The following LMTK2 variants were observed in gnomAD, a reference collection of about 807,000 sequenced individuals.
The protein encoded by LMTK2 is lemur tail kinase 2, also known as serine/threonine-protein kinase LMTK2.
LMTK2 carries 37 observed loss-of-function variants against 127.5 expected under a neutral mutation model. That is an observed-to-expected ratio of 0.29 (90% CI 0.22 to 0.38). The LOEUF (loss-of-function observed/expected upper bound fraction) is 0.38. Ranked by LOEUF, LMTK2 falls within the 10% of genes least tolerant of loss-of-function variation. The pLI is 1.00. For missense variants in LMTK2, 1,694 were observed against 1,920.3 expected (o/e 0.88, Z 2.20); for synonymous variants, 819 against 810.1 (o/e 1.01, Z -0.19).
At chr7:98,162,830 GT>G (rs1478126041) in intron 6 of LMTK2, among the ~76,000 whole-genome samples, 2 of 152,242 alleles carry the variant, frequency 1.3e-5, no homozygotes, top group Non-Finnish European at 2.9e-5. Context: ...GTTATTCACA[GT>G]AATGGGTTAT....
At position 98,163,889 on chromosome 7, in the gene LMTK2, G is replaced by A. The variant is rs115933290; in HGVS notation, c.657+4464G>A. ...GGTCTGGGCTCTGTAAAAAGCTGCTGTGGCCACGGTGAAGGACCGGCTATC... is the reference window on the plus strand; with the variant it reads ...GGTCTGGGCTCTGTAAAAAGCTGCTATGGCCACGGTGAAGGACCGGCTATC... On this transcript the variant is annotated intron_variant, in intron 6 of 13. Coordinates refer to ENST00000297293, the MANE Select transcript of LMTK2 (RefSeq NM_014916.4). Among the ~76,000 whole-genome samples, 1,145 of 152,352 alleles carry A rather than the reference G, an allele frequency of 7.5e-3. 16 individuals are homozygous for A. The highest frequency in any genetic ancestry group is 0.025 in the African/African-American group (1,060 of 41,582).
intron 1 of LMTK2, among the ~76,000 whole-genome samples, chr7:98,135,473 A>T (rs1001416863): frequency 6.6e-6 from 1 of 151,808 alleles, no homozygotes; most frequent in East Asian, 1.9e-4. Flanking sequence ...CACCACGCCC[A>T]GCTAACTTTT....
chr7:98,204,014 C>A lies in LMTK2; in HGVS notation c.4311C>A (p.Leu1437=), dbSNP rs958146615. 1.2e-6 allele frequency: 2 copies of A among 1,614,224 alleles called. No homozygotes were observed. Among genetic ancestry groups the A allele is most frequent in the Admixed American group, 3.3e-5 (2 of 60,028 alleles). Residue 1437 remains leucine, a synonymous_variant, in exon 13 of 14, where the codon CTC becomes CTA. Coordinates refer to ENST00000297293, the MANE Select transcript of LMTK2 (RefSeq NM_014916.4). ...PFMSKTTSNL[L]SSKPSLQTSK... is the part of the protein sequence containing the mutation. Reference sequence around the variant, plus strand: ...TGTCAAAGACAACAAGTAACCTGCTCAGCTCCAAGCCTTCTCTCCAAACAT... The same window carrying A: ...TGTCAAAGACAACAAGTAACCTGCTAAGCTCCAAGCCTTCTCTCCAAACAT...
At chr7:98,110,533 CA>C (rs1562892861) in intron 1 of LMTK2, among the ~76,000 whole-genome samples, 1 of 152,160 alleles carries the variant, frequency 6.6e-6, no homozygotes, top group Admixed American at 6.5e-5. Context: ...GTTAAATTGC[CA>C]AACTAAGATT....
intron 1 of LMTK2, among the ~76,000 whole-genome samples, chr7:98,127,175 T>TA (rs753296067): frequency 4.6e-5 from 7 of 152,204 alleles, no homozygotes; most frequent in Non-Finnish European, 8.8e-5. Flanking sequence ...TTTGAGGCGT[T>TA]AAATAAAAAT....
At chr7:98,204,574 C>T (rs1797760665) in intron 13 of LMTK2, among the ~76,000 whole-genome samples, 1 of 152,242 alleles carries the variant, frequency 6.6e-6, no homozygotes, top group Non-Finnish European at 1.5e-5. Context: ...CTACAGTGAC[C>T]TATGATTGTG....
rs146153527 is a variant in LMTK2, at chr7:98,194,370, A to T, written c.3905A>T (p.Asn1302Ile). The T allele has an allele frequency of 6.2e-7, 1 of 1,614,150 alleles. No individual in the cohort carries two copies. Among genetic ancestry groups the T allele is most frequent in the Admixed American group, 1.7e-5 (1 of 60,020 alleles). The change falls in exon 11 of 14, where the codon AAC (asparagine) becomes ATC (isoleucine). Residue 1302 changes from asparagine to isoleucine, a missense_variant. This residue lies in a region of LMTK2 where 554 missense variants were observed against 567.7 expected (regional missense o/e 0.98). Coordinates refer to ENST00000297293, the MANE Select transcript of LMTK2 (RefSeq NM_014916.4). The surrounding 1 kb of genome is among the most constrained non-coding windows in gnomAD (Gnocchi z 5.4). ...DDSDEDLRAF[N>I]LHSLSSESED... ...TCGGACGAGGACCTGCGGGCCTTCA[A>T]CCTGCATAGCCTCAGCTCCGAGTCG...
At chr7:98,203,448 G>A (rs1427206390) in intron 11 of LMTK2, 126 bp from the exon 12 acceptor site, 35 of 1,279,834 alleles carry the variant, frequency 2.7e-5, no homozygotes, top group African/African-American at 7.6e-5. Context: ...GCCTGGAGCC[G>A]CCCTTGTCTT....
Position 98,155,623 on chromosome 7 carries a change from A to G in LMTK2, c.569+747A>G, listed in dbSNP as rs181137019. Among the ~76,000 whole-genome samples, 496 of 152,336 alleles carry G rather than the reference A, an allele frequency of 3.3e-3. 2 individuals carry two copies. The highest frequency in any genetic ancestry group is 5.7e-3 in the Non-Finnish European group (386 of 68,030). The stretch of plus-strand genomic sequence containing the variant: ...TCTCATCAGAAACCTGGAGGCCAGA[A>G]GGAATCAGCACGTTTGTCACTTTTC... On this transcript the variant is annotated intron_variant, in intron 5 of 13. Coordinates refer to ENST00000297293, the MANE Select transcript of LMTK2 (RefSeq NM_014916.4).
intron 2 of LMTK2, among the ~76,000 whole-genome samples, chr7:98,140,989 C>CCAGGCTGCAGTGAGCCATGAT (rs1459597015): frequency 6.6e-6 from 1 of 151,324 alleles, no homozygotes; most frequent in Non-Finnish European, 1.5e-5. Flanking sequence ...TCCTGGAGGT[C>CCAGGCTGCAGTGAGCCATGAT]CAGGCTGCAG....
rs188946305 is a variant in LMTK2 at position 98,138,444 on chromosome 7, C to G, written c.231+1002C>G. On this transcript the variant is annotated intron_variant, in intron 2 of 13. Transcript: ENST00000297293. ...GCTGTTTTCTTGGGTCAGCACTGGC[C>G]GTATACACACAGAGGGCTGAGAACA... 6.7e-4 allele frequency among the ~76,000 whole-genome samples: 102 copies of G among 152,168 alleles called. 2 individuals are homozygous for G. The South Asian group carries it at 0.015, about 23-fold the overall frequency.
chr7:98,117,401 G>GT (rs1796302442), intron 1 of LMTK2, among the ~76,000 whole-genome samples: 1 of 152,158 alleles, frequency 6.6e-6, no homozygotes, highest in African/African-American at 2.4e-5. Context: ...ACTTATGTCA[G>GT]TGTGGATGCA....
intron 7 of LMTK2, among the ~76,000 whole-genome samples, chr7:98,176,013 G>A (rs1797271434): frequency 6.6e-6 from 1 of 152,158 alleles, no homozygotes; most frequent in South Asian, 2.1e-4. Flanking sequence ...ATGACATAAA[G>A]AAATTATTGA....
intron 1 of LMTK2, among the ~76,000 whole-genome samples, chr7:98,113,445 C>G (rs1796233246): frequency 6.6e-6 from 1 of 152,054 alleles, no homozygotes; most frequent in African/African-American, 2.4e-5. Flanking sequence ...TGGACTAATA[C>G]AGCTGGCGTC....
chr7:98,203,926 T>C lies in LMTK2; in HGVS notation c.4241-18T>C. The stretch of plus-strand genomic sequence containing the variant: ...CACGCAGTGATAAAAAGGGTGGGGT[T>C]TTATTTTTTATTTCTAGGTGGTGGC... On this transcript the variant is annotated intron_variant, in intron 12 of 13. Transcript: ENST00000297293. 6.2e-7 allele frequency: 1 copy of C among 1,612,120 alleles called. No individual in the cohort carries two copies. Among genetic ancestry groups the C allele is most frequent in the Non-Finnish European group, 8.5e-7 (1 of 1,179,540 alleles).
chr7:98,157,640 TAAA>T (rs34715220), intron 5 of LMTK2, among the ~76,000 whole-genome samples: 21 of 114,330 alleles, frequency 1.8e-4, no homozygotes, highest in Admixed American at 2.7e-4. Context: ...GCTCCCACAT[TAAA>T]AAAAAAAAAA....
At chr7:98,107,696 C>T (rs906854405) in intron 1 of LMTK2, among the ~76,000 whole-genome samples, 4 of 152,162 alleles carry the variant, frequency 2.6e-5, no homozygotes, top group Middle Eastern at 3.2e-3. Flanking sequence ...AATGACTTGG[C>T]GAGCTGTGCG....
At position 98,193,640 on chromosome 7, in the gene LMTK2, A is replaced by G; in HGVS notation, c.3175A>G (p.Thr1059Ala). ...EGTADSEPAT[T>A]GDGGHSGLPP... The stretch of plus-strand genomic sequence containing the variant: ...CACCGCAGACTCAGAACCAGCCACC[A>G]CGGGCGATGGCGGCCACAGCGGTCT... Residue 1059 changes from threonine (T) to alanine (A), a missense_variant, in exon 11 of 14, where the codon ACG becomes GCG. By Grantham distance (58) the Thr-to-Ala change is moderately conservative. Around this residue, in one of 8 missense-constraint regions of LMTK2, gnomAD observed 65 missense variants for 116.5 expected, o/e 0.56. Transcript: ENST00000297293. The surrounding 1 kb of genome is among the most constrained non-coding windows in gnomAD (Gnocchi z 4.1). The G allele has an allele frequency of 1.9e-6, 3 of 1,613,828 alleles. No individual in the cohort carries two copies. Among genetic ancestry groups the G allele is most frequent in the Non-Finnish European group, 2.5e-6 (3 of 1,180,006 alleles).
chr7:98,205,333 G>A lies in LMTK2; in HGVS notation c.4484-131G>A, dbSNP rs1022673176. The A allele has an allele frequency of 5.0e-5, 52 of 1,034,120 alleles. No homozygotes were observed. In the African/African-American group the frequency reaches 7.1e-4, roughly 14 times the overall value. The allele number at this position is 1,034,120 out of a possible 1,614,324, so 64.1% of individuals were successfully genotyped here. A position where few individuals can be genotyped will look rare whatever the true frequency, so the allele number is the denominator to read the frequency against. On this transcript the variant is annotated intron_variant, in intron 13 of 13. Transcript: ENST00000297293. ...TTCCGAAGGAAAGGACAGGAAGGGCGGCTCAGGCGGTGCTGGGCTCAAAAC... is the reference window on the plus strand; with the variant it reads ...TTCCGAAGGAAAGGACAGGAAGGGCAGCTCAGGCGGTGCTGGGCTCAAAAC...
Sources: gnomAD v4.1 joint callset for allele counts (sites outside exome capture counted in the v4.1 genomes callset) on GRCh38, gnomAD v4.1.1 for gene constraint, gnomAD v4.1.1 regional missense constraint, Gnocchi (gnomAD v3.1) non-coding constraint, MANE v1.5 for transcripts, NCBI Gene and HGNC (gene_info 2026-07-23, HGNC 2026-07-21) for gene names.